CUX1: variants seen among roughly 807,000 people sequenced by gnomAD.
The protein encoded by CUX1 is cut like homeobox 1.
In CUX1, 31 loss-of-function variants were observed where a neutral mutation model predicts 158.8. That is an observed-to-expected ratio of 0.20 (90% CI 0.15 to 0.26). The LOEUF is 0.26. CUX1 is among the 10% of genes least tolerant of loss of function. The pLI, the probability that CUX1 is intolerant of heterozygous loss-of-function variation, is 1.00. For missense variants in CUX1, 1,589 were observed against 2,014.6 expected (o/e 0.79, Z 4.04); for synonymous variants, 879 against 862.1 (o/e 1.02, Z -0.34).
At chr7:102,108,783 GTC>G (rs1554489300) in intron 6 of CUX1, among the ~76,000 whole-genome samples, 1 of 118,890 alleles carries the variant, frequency 8.4e-6, no homozygotes, top group African/African-American at 3.9e-5. Flanking sequence ...TTGAGACAAA[GTC>G]TCTCTGTCAC....
chr7:101,860,557 GC>G (rs769110285), intron 1 of CUX1, among the ~76,000 whole-genome samples: 1 of 152,134 alleles, frequency 6.6e-6, no homozygotes, highest in Non-Finnish European at 1.5e-5. Flanking sequence ...GCTGTCACCT[GC>G]CATCACCTGT....
intron 8 of CUX1, among the ~76,000 whole-genome samples, chr7:102,144,307 T>C (rs1013545688): frequency 6.6e-6 from 1 of 152,160 alleles, no homozygotes; most frequent in African/African-American, 2.4e-5. Flanking sequence ...TGTTGTCTTA[T>C]TGGGTTTTTT....
At position 102,030,691 on chromosome 7, in the gene CUX1, G is replaced by GTTTTTTT. The variant is rs71119801; in HGVS notation, c.189+2552_189+2558dup. Among the ~76,000 whole-genome samples the GTTTTTTT allele has an allele frequency of 7.0e-4, 83 of 119,344 alleles. 1 individual carries two copies. The highest frequency in any genetic ancestry group is 9.7e-4 in the Non-Finnish European group (57 of 58,972). The allele number at this position is 119,344 out of a possible 152,430, so 78.3% of individuals were successfully genotyped here. The stretch of plus-strand genomic sequence containing the variant: ...TATCTAATTTTCTATTTTAAAAAGT[G>GTTTTTTT]TTTTTTTTTTTTGAGACAGGGTCTC... On this transcript the variant is annotated intron_variant, in intron 3 of 23. Coordinates refer to ENST00000292535, the MANE Select transcript of CUX1 (RefSeq NM_181552.4).
chr7:102,029,213 G>T (rs1440999019), intron 3 of CUX1, among the ~76,000 whole-genome samples: 1 of 151,952 alleles, frequency 6.6e-6, no homozygotes, highest in Non-Finnish European at 1.5e-5. Flanking sequence ...GGCTGGTCTC[G>T]ATCTCCTGAC....
chr7:102,195,938 G>C (rs782152923), intron 14 of CUX1, among the ~76,000 whole-genome samples: 77 of 152,330 alleles, frequency 5.1e-4, no homozygotes, highest in South Asian at 1.0e-3. Context: ...GAGGCCAGGG[G>C]CAGTGTGAAC....
chr7:102,068,378 A>G (rs896998078), intron 3 of CUX1, among the ~76,000 whole-genome samples: 4 of 152,032 alleles, frequency 2.6e-5, no homozygotes, highest in African/African-American at 9.7e-5. Context: ...CTGGCTCCCA[A>G]AGTGCTATGA....
chr7:102,194,944 A>G (rs1794632595), intron 13 of CUX1, among the ~76,000 whole-genome samples: 1 of 152,032 alleles, frequency 6.6e-6, no homozygotes, highest in Non-Finnish European at 1.5e-5. Context: ...GAATCACTTG[A>G]ACCCAGGAGC....
chr7:102,219,055 A>ACACACACACACACACACAC (rs1797534201), intron 20 of CUX1, among the ~76,000 whole-genome samples: 19 of 126,246 alleles, frequency 1.5e-4, no homozygotes, highest in Non-Finnish European at 3.1e-4. Context: ...CCTGCCTCAA[A>ACACACACACACACACACAC]ACACACACAC....
chr7:102,049,285 G>T (rs545739732), intron 3 of CUX1, among the ~76,000 whole-genome samples: 1 of 152,360 alleles, frequency 6.6e-6, no homozygotes, highest in South Asian at 2.1e-4. Context: ...TTCAGCAACA[G>T]CTGCGTGCCA....
At chr7:101,855,358 C>T (rs981900445) in intron 1 of CUX1, among the ~76,000 whole-genome samples, 1 of 152,200 alleles carries the variant, frequency 6.6e-6, no homozygotes, top group East Asian at 1.9e-4. Flanking sequence ...AGGTGAGGGG[C>T]CGTGTCCTCC....
At chr7:101,841,553 T>TTTAG (rs1373529311) in intron 1 of CUX1, among the ~76,000 whole-genome samples, 2 of 151,744 alleles carry the variant, frequency 1.3e-5, no homozygotes, top group African/African-American at 4.8e-5. Flanking sequence ...TTTCATTTTA[T>TTTAG]TTATTTATTT....
chr7:101,836,345 C>G (rs1794627573), intron 1 of CUX1, among the ~76,000 whole-genome samples: 1 of 152,096 alleles, frequency 6.6e-6, no homozygotes. Context: ...TGTGCTCAGG[C>G]AGGTGGATCG....
At chr7:101,893,426 C>T (rs187690930) in intron 1 of CUX1, among the ~76,000 whole-genome samples, 135 of 152,198 alleles carry the variant, frequency 8.9e-4, no homozygotes, top group African/African-American at 3.0e-3. Flanking sequence ...GCCTTGTAGA[C>T]GGAAAGTTCT....
chr7:101,956,257 A>G (rs1308404855), intron 2 of CUX1, among the ~76,000 whole-genome samples: 2 of 151,984 alleles, frequency 1.3e-5, no homozygotes, highest in African/African-American at 4.8e-5. Flanking sequence ...ATTTGAAATG[A>G]GAATCGCAGT....
intron 9 of CUX1, among the ~76,000 whole-genome samples, chr7:102,168,754 A>G (rs782575023): frequency 6.6e-6 from 1 of 151,578 alleles, no homozygotes; most frequent in South Asian, 2.1e-4. Context: ...TCCTAGAACT[A>G]GATTAATCAG....
At chr7:102,053,429 C>T (rs1262485477) in intron 3 of CUX1, among the ~76,000 whole-genome samples, 2 of 152,104 alleles carry the variant, frequency 1.3e-5, no homozygotes, top group Admixed American at 6.6e-5. Flanking sequence ...AGCATTTATC[C>T]TTTGTGTTAC....
intron 3 of CUX1, among the ~76,000 whole-genome samples, chr7:102,036,891 T>C (rs758510461): frequency 7.2e-5 from 11 of 151,956 alleles, no homozygotes; most frequent in Non-Finnish European, 1.2e-4. Flanking sequence ...CAAATCCTTA[T>C]AGATTAAACG....
chr7:102,062,330 G>A (rs557178263), intron 3 of CUX1, among the ~76,000 whole-genome samples: 31 of 152,208 alleles, frequency 2.0e-4, no homozygotes, highest in Middle Eastern at 3.4e-3. Context: ...ATGTGACTCC[G>A]GGAACCCACA....
chr7:101,848,976 A>C (rs2131244825), intron 1 of CUX1, among the ~76,000 whole-genome samples: 1 of 150,056 alleles, frequency 6.7e-6, no homozygotes, highest in South Asian at 2.1e-4. Context: ...CTCTTGTTCC[A>C]CGTGACTTAC....
Sources: allele counts gnomAD v4.1 joint callset (sites outside exome capture counted in the v4.1 genomes callset), GRCh38; gene constraint gnomAD v4.1.1; transcripts MANE v1.5; gene names NCBI Gene and HGNC (gene_info 2026-07-23, HGNC 2026-07-21).